Variants in INPP4B observed in about 807,000 individuals in gnomAD.
INPP4B encodes the protein inositol polyphosphate 4-phosphatase type II.
In INPP4B, 55 loss-of-function variants were observed where a neutral mutation model predicts 122.5. The observed-to-expected ratio is 0.45, with a 90% CI of 0.36 to 0.56. The LOEUF (loss-of-function observed/expected upper bound fraction) is 0.56. Among genes scored for constraint, INPP4B ranks in the 20% least tolerant of loss-of-function variants. The pLI, the probability that INPP4B is intolerant of heterozygous loss-of-function variation, is 0.00. For missense variants in INPP4B, 1,000 were observed against 1,097.7 expected, an observed-to-expected ratio of 0.91 and a Z score of 1.26; for synonymous variants, 403 against 388.7, an observed-to-expected ratio of 1.04 and a Z score of -0.43.
chr4:142,161,261 T>A (rs1241993657), intron 16 of INPP4B, among the ~76,000 whole-genome samples: 1 of 151,996 alleles, frequency 6.6e-6, no homozygotes, highest in South Asian at 2.1e-4. Flanking sequence ...TAGTACGTAC[T>A]ATAGCAATGA....
intron 1 of INPP4B, among the ~76,000 whole-genome samples, chr4:142,840,149 C>T (rs1385544268): frequency 6.6e-6 from 1 of 152,094 alleles, no homozygotes; most frequent in Non-Finnish European, 1.5e-5. Context: ...TACTATATGG[C>T]TGATTCAATT....
chr4:142,435,143 T>G (rs1033363136), intron 3 of INPP4B, among the ~76,000 whole-genome samples: 1 of 152,120 alleles, frequency 6.6e-6, no homozygotes, highest in East Asian at 1.9e-4. Context: ...TGAGACCCTT[T>G]TCCTCACACA....
chr4:142,702,728 C>T (rs1447119072), intron 2 of INPP4B, among the ~76,000 whole-genome samples: 6 of 46,766 alleles, frequency 1.3e-4, no homozygotes, highest in African/African-American at 6.3e-4. Context: ...AAAACTCCGT[C>T]TCAAAAAAAA....
At chr4:142,705,077 T>C (rs1225912167) in intron 2 of INPP4B, among the ~76,000 whole-genome samples, 1 of 152,186 alleles carries the variant, frequency 6.6e-6, no homozygotes, top group African/African-American at 2.4e-5. Flanking sequence ...CAGACTTTTG[T>C]TCTCAATCTC....
intron 9 of INPP4B, among the ~76,000 whole-genome samples, chr4:142,282,470 T>A (rs965285382): frequency 6.6e-6 from 1 of 152,132 alleles, no homozygotes; most frequent in African/African-American, 2.4e-5. Context: ...TTTCTATAAA[T>A]CAAAAGTCCA....
intron 7 of INPP4B, among the ~76,000 whole-genome samples, chr4:142,352,709 A>T (rs1782311191): frequency 6.6e-6 from 1 of 151,956 alleles, no homozygotes; most frequent in Non-Finnish European, 1.5e-5. Flanking sequence ...TTGTTAATTA[A>T]ACACCTATGA....
At chr4:142,313,373 A>G (rs1208550575) in intron 8 of INPP4B, among the ~76,000 whole-genome samples, 1 of 152,198 alleles carries the variant, frequency 6.6e-6, no homozygotes, top group African/African-American at 2.4e-5. Context: ...AGAATAATGT[A>G]TTCCCCATAT....
At chr4:142,638,415 G>A (rs1749631705) in intron 2 of INPP4B, among the ~76,000 whole-genome samples, 1 of 152,034 alleles carries the variant, frequency 6.6e-6, no homozygotes, top group African/African-American at 2.4e-5. Context: ...CTGTGTTATT[G>A]TAGTACTATT....
At chr4:142,292,774 G>A (rs998462469) in intron 9 of INPP4B, among the ~76,000 whole-genome samples, 18 of 152,078 alleles carry the variant, frequency 1.2e-4, no homozygotes, top group African/African-American at 3.9e-4. Context: ...CCCAATTTAC[G>A]TGTGTGAACA....
intron 7 of INPP4B, among the ~76,000 whole-genome samples, chr4:142,397,852 A>T (rs1006161552): frequency 1.3e-5 from 2 of 152,056 alleles, no homozygotes; most frequent in Non-Finnish European, 2.9e-5. Flanking sequence ...AAAATAAAAA[A>T]TAAAAAATAA....
At chr4:142,474,932 A>G (rs1035646648) in intron 2 of INPP4B, among the ~76,000 whole-genome samples, 2 of 152,086 alleles carry the variant, frequency 1.3e-5, no homozygotes, top group East Asian at 3.9e-4. Flanking sequence ...AAGAAACTCC[A>G]CTCACACCCA....
At position 142,263,435 on chromosome 4, in the gene INPP4B, C is replaced by T. The variant is rs191351531; in HGVS notation, c.616-2871G>A. ...ATCCACCAATTGTTATGGAGTTATA[C>T]GCAGCCACATATTCTGTCTTCTATG... On this transcript the variant is annotated intron_variant, in intron 10 of 25. Transcript: ENST00000262992. Among the ~76,000 whole-genome samples the T allele has an allele frequency of 4.4e-3, 670 of 151,838 alleles. 9 individuals carry two copies. The highest frequency in any genetic ancestry group is 0.015 in the African/African-American group (624 of 41,418).
In INPP4B at chr4:142,665,862, G is replaced by A. The variant is rs117653400; in HGVS notation, c.-191+59977C>T. On this transcript the variant is annotated intron_variant, in intron 2 of 25. Coordinates refer to ENST00000262992, the MANE Select transcript of INPP4B (RefSeq NM_001101669.3). ...TGAGGGCTATGTTCTAAGACCCCCA[G>A]TGGATGCCTAAAACCATGGATAGCA... 2.6e-3 allele frequency among the ~76,000 whole-genome samples: 396 copies of A among 152,300 alleles called. 6 individuals carry two copies. The highest frequency in any genetic ancestry group is 0.018 in the East Asian group (95 of 5,182).
intron 2 of INPP4B, among the ~76,000 whole-genome samples, chr4:142,475,404 G>A (rs1211051710): frequency 6.6e-6 from 1 of 151,966 alleles, no homozygotes; most frequent in African/African-American, 2.4e-5. Flanking sequence ...AAAAAACAGT[G>A]CAAAATTCTG....
chr4:142,336,302 G>A (rs939062242), intron 7 of INPP4B, among the ~76,000 whole-genome samples: 2 of 152,192 alleles, frequency 1.3e-5, no homozygotes, highest in South Asian at 2.1e-4. Flanking sequence ...CCACTTGAGG[G>A]GTAGTGGGGG....
At chr4:142,814,704 T>A (rs891720300) in intron 1 of INPP4B, among the ~76,000 whole-genome samples, 6 of 152,084 alleles carry the variant, frequency 3.9e-5, no homozygotes, top group South Asian at 4.1e-4. Flanking sequence ...TAAAGTAGTA[T>A]GCAATTATAA....
Position 142,539,878 on chromosome 4 carries a change from GA to G in INPP4B, c.-190-77153del, listed in dbSNP as rs577283097. Among the ~76,000 whole-genome samples, 16 of 152,014 alleles carry G rather than the reference GA, an allele frequency of 1.1e-4. No individual in the cohort carries two copies. The East Asian group carries it at 3.1e-3, about 29-fold the overall frequency. ...TTTAGAAGTACTATCAATACGTAGG[GA>G]AAAAAATTACTAAGTTTTTAGTGAA... On this transcript the variant is annotated intron_variant, in intron 2 of 25. Transcript: ENST00000262992.
intron 1 of INPP4B, among the ~76,000 whole-genome samples, chr4:142,821,491 T>C (rs1378201460): frequency 6.6e-6 from 1 of 152,118 alleles, no homozygotes; most frequent in Non-Finnish European, 1.5e-5. Flanking sequence ...TTCTACATTA[T>C]ATTATTGGTT....
At chr4:142,704,582 G>A (rs1190456912) in intron 2 of INPP4B, among the ~76,000 whole-genome samples, 1 of 152,126 alleles carries the variant, frequency 6.6e-6, no homozygotes, top group African/African-American at 2.4e-5. Flanking sequence ...TTACCATGGG[G>A]AAGTTAAATT....
Sources: gnomAD v4.1 joint callset for allele counts (sites outside exome capture counted in the v4.1 genomes callset) on GRCh38, gnomAD v4.1.1 for gene constraint, MANE v1.5 for transcripts, NCBI Gene and HGNC (gene_info 2026-07-23, HGNC 2026-07-21) for gene names.